MTA3: variants seen among roughly 807,000 people sequenced by gnomAD.
The protein encoded by MTA3 is metastasis associated 1 family member 3.
Under a neutral mutation model 83.5 loss-of-function variants are expected in MTA3, and 34 were observed. The observed-to-expected ratio is 0.41, with a 90% CI of 0.31 to 0.54. The LOEUF is 0.54. Among genes scored for constraint, MTA3 ranks in the 20% least tolerant of loss-of-function variants. MTA3 has a pLI of 0.33. For missense variants in MTA3, 761 were observed against 726.4 expected (o/e 1.05, Z -0.55); for synonymous variants, 303 against 252.7 (o/e 1.20, Z -1.89).
intron 8 of MTA3, among the ~76,000 whole-genome samples, chr2:42,681,725 G>C (rs1573601383): frequency 6.6e-6 from 1 of 151,238 alleles, no homozygotes; most frequent in Non-Finnish European, 1.5e-5. Context: ...GCCCACACTG[G>C]TCTTAAAACT....
At chr2:42,529,829 T>A (rs1162343117) in intron 2 of MTA3, among the ~76,000 whole-genome samples, 1 of 152,146 alleles carries the variant, frequency 6.6e-6, no homozygotes, top group African/African-American at 2.4e-5. Context: ...CTAAAAGGTT[T>A]AACGGCACTC....
intron 16 of MTA3, among the ~76,000 whole-genome samples, chr2:42,732,896 C>T (rs184650437): frequency 5.3e-5 from 8 of 152,270 alleles, no homozygotes; most frequent in East Asian, 1.9e-4. Flanking sequence ...CTCCAGTTCC[C>T]GAGTTCCTCA....
intron 3 of MTA3, among the ~76,000 whole-genome samples, chr2:42,579,931 A>G (rs1679434658): frequency 6.6e-6 from 1 of 151,754 alleles, no homozygotes; most frequent in Admixed American, 6.6e-5. Flanking sequence ...TGCTAAAACA[A>G]CTGAATAATA....
intron 2 of MTA3, among the ~76,000 whole-genome samples, chr2:42,545,392 A>T (rs1676716675): frequency 6.6e-6 from 1 of 152,076 alleles, no homozygotes; most frequent in Non-Finnish European, 1.5e-5. Flanking sequence ...ATAAAATTAG[A>T]AGAAGAAAAA....
At chr2:42,709,274 A>G in intron 14 of MTA3, 178 bp downstream of exon 14, 5 of 1,353,624 alleles carry the variant, frequency 3.7e-6, no homozygotes, top group Non-Finnish European at 4.7e-6. Flanking sequence ...TATCATGCCA[A>G]CCTGGAAAAA....
chr2:42,736,150 C>T (rs1668596082), intron 16 of MTA3, among the ~76,000 whole-genome samples: 1 of 152,194 alleles, frequency 6.6e-6, no homozygotes, highest in Non-Finnish European at 1.5e-5. Context: ...TGCAGCCATA[C>T]CTGCATTAGG....
At position 42,754,440 on chromosome 2, in the gene MTA3, C is replaced by T. The variant is rs916357047; in HGVS notation, c.*1041C>T. The stretch of plus-strand genomic sequence containing the variant: ...CTAGGCCCCGGGGGACCTGCCTGCT[C>T]CTTTGGCTTGGGCTCTTCGTGTTTC... On this transcript the variant is annotated 3_prime_UTR_variant, in exon 17 of 17. Transcript: ENST00000405094. 9.1e-6 allele frequency: 9 copies of T among 985,470 alleles called. No individual in the cohort carries two copies. The highest frequency in any genetic ancestry group is 5.2e-5 in the African/African-American group (3 of 57,232). The allele number at this position is 985,470 out of a possible 1,614,324, so 61.0% of individuals were successfully genotyped here.
upstream of MTA3, chr2:42,568,477 C>G (rs1363998553): frequency 6.4e-6 from 1 of 156,958 alleles, no homozygotes; most frequent in East Asian, 1.9e-4. Context: ...TCCCGCTGGC[C>G]CCGCAGCGCT....
At chr2:42,536,598 G>A (rs1013557592) in intron 2 of MTA3, among the ~76,000 whole-genome samples, 8 of 151,894 alleles carry the variant, frequency 5.3e-5, no homozygotes, top group South Asian at 4.2e-4. Context: ...GGTGGCTCAC[G>A]CCTGTAATCC....
chr2:42,691,975 ATAACCT>A (rs1363584932), intron 9 of MTA3, among the ~76,000 whole-genome samples: 32 of 152,304 alleles, frequency 2.1e-4, no homozygotes, highest in African/African-American at 7.2e-4. Flanking sequence ...GAGTTTGATT[ATAACCT>A]TATTGAATAT....
At chr2:42,607,882 T>C (rs1274270797) in intron 3 of MTA3, among the ~76,000 whole-genome samples, 2 of 152,096 alleles carry the variant, frequency 1.3e-5, no homozygotes, top group Admixed American at 1.3e-4. Context: ...ACCCGGGAGA[T>C]GGAGGTTGCA....
intron 3 of MTA3, among the ~76,000 whole-genome samples, chr2:42,581,030 C>T (rs542328367): frequency 5.3e-5 from 8 of 152,248 alleles, no homozygotes; most frequent in East Asian, 1.9e-4. Flanking sequence ...CTGTGTCATC[C>T]GTTTAGCCAG....
chr2:42,521,511 C>T (rs1338244314), intron 2 of MTA3, among the ~76,000 whole-genome samples: 1 of 152,096 alleles, frequency 6.6e-6, no homozygotes, highest in Admixed American at 6.6e-5. Context: ...TAACTAATAC[C>T]TCCTAAACCC....
chr2:42,656,254 A>T lies in MTA3; in HGVS notation c.554A>T (p.Asn185Ile). The change falls in exon 7 of 17, where the codon AAT becomes ATT. Residue 185 changes from asparagine to isoleucine, a missense_variant. Coordinates refer to ENST00000405094, the MANE Select transcript of MTA3 (RefSeq NM_001330442.2). Reference protein sequence around the residue: ...SKLEVKVWDPNSPLTDRQIDQ... With the variant: ...SKLEVKVWDPISPLTDRQIDQ... ...TTGGAAGTTAAAGTTTGGGATCCAA[A>T]TAGCCCACTTACGGATCGACAGATT... The T allele has an allele frequency of 1.9e-6, 3 of 1,613,910 alleles. No individual in the cohort carries two copies. In the Middle Eastern group the frequency reaches 4.9e-4, roughly 266 times the overall value.
At chr2:42,517,097 T>G (rs1460321560) in intron 2 of MTA3, among the ~76,000 whole-genome samples, 1 of 151,580 alleles carries the variant, frequency 6.6e-6, no homozygotes, top group African/African-American at 2.4e-5. Flanking sequence ...CCATCTCTAC[T>G]AAAAATACAA....
At chr2:42,701,002 G>A (rs1282619682) in intron 11 of MTA3, among the ~76,000 whole-genome samples, 1 of 152,168 alleles carries the variant, frequency 6.6e-6, no homozygotes, top group East Asian at 1.9e-4. Flanking sequence ...GGAGGCTGAG[G>A]TAGGAGGATT....
At chr2:42,590,622 T>C (rs900398974) in intron 3 of MTA3, among the ~76,000 whole-genome samples, 2 of 58,236 alleles carry the variant, frequency 3.4e-5, no homozygotes, top group African/African-American at 1.5e-4. Flanking sequence ...GCTTTTTTTT[T>C]TTTTTTTTTT....
chr2:42,630,038 A>G lies in MTA3; in HGVS notation c.318-10135A>G, dbSNP rs563861720. Among the ~76,000 whole-genome samples the G allele has an allele frequency of 3.9e-5, 6 of 152,242 alleles. No homozygotes were observed. In the South Asian group the frequency reaches 1.0e-3, roughly 26 times the overall value. ...TGATCTGCTTGCCTTGGCCTCCCCA[A>G]GTGCTAGGATTACAGGCATGAGCTA... On this transcript the variant is annotated intron_variant, in intron 4 of 16. Coordinates refer to ENST00000405094, the MANE Select transcript of MTA3 (RefSeq NM_001330442.2).
intron 12 of MTA3, among the ~76,000 whole-genome samples, chr2:42,707,213 G>A (rs567550530): frequency 4.6e-5 from 7 of 151,622 alleles, no homozygotes; most frequent in Non-Finnish European, 2.9e-5. Context: ...AGTGGTGTCT[G>A]AACCCTGGGT....
Sources: allele counts gnomAD v4.1 joint callset (sites outside exome capture counted in the v4.1 genomes callset), GRCh38; gene constraint gnomAD v4.1.1; transcripts MANE v1.5; gene names NCBI Gene and HGNC (gene_info 2026-07-23, HGNC 2026-07-21).